PARD3B: variants seen among roughly 807,000 people sequenced by gnomAD.
PARD3B encodes the protein partitioning defective 3 homolog B.
PARD3B carries 103 observed loss-of-function variants against 130.2 expected under a neutral mutation model. That is an observed-to-expected ratio of 0.79 (90% CI 0.67 to 0.93). The LOEUF is 0.93. PARD3B is among the 40% of genes least tolerant of loss of function. The pLI is 0.00. For missense variants in PARD3B, 1,609 were observed against 1,499.2 expected, an observed-to-expected ratio of 1.07 and a Z score of -1.21; for synonymous variants, 583 against 553.2, an observed-to-expected ratio of 1.05 and a Z score of -0.76.
chr2:205,114,929 A>C (rs535617145), intron 6 of PARD3B, among the ~76,000 whole-genome samples: 1 of 152,082 alleles, frequency 6.6e-6, no homozygotes, highest in Non-Finnish European at 1.5e-5. Flanking sequence ...GTTGTTTTTG[A>C]TAGATAGGGT....
rs189552614 is a variant in PARD3B at position 204,643,313 on chromosome 2, G to T, written c.121-42868G>T. Among the ~76,000 whole-genome samples the T allele has an allele frequency of 7.2e-5, 11 of 151,830 alleles. No homozygotes were observed. The East Asian group carries it at 2.1e-3, about 30-fold the overall frequency. On this transcript the variant is annotated intron_variant, in intron 1 of 22. Coordinates refer to ENST00000406610, the MANE Select transcript of PARD3B (RefSeq NM_001302769.2). ...CTTTTTTCCATAAATTACCCAGTCT[G>T]TAATACAGCATAATTACATCCTAAC...
intron 20 of PARD3B, among the ~76,000 whole-genome samples, chr2:205,465,401 C>T (rs1559119353): frequency 6.6e-6 from 1 of 152,138 alleles, no homozygotes; most frequent in Non-Finnish European, 1.5e-5. Context: ...ATTTGTACGC[C>T]TGAATAAAGA....
chr2:205,052,974 A>C (rs1699336190), intron 4 of PARD3B, among the ~76,000 whole-genome samples: 1 of 152,156 alleles, frequency 6.6e-6, no homozygotes, highest in South Asian at 2.1e-4. Context: ...TGTGTGTTCT[A>C]CTGAGACAAG....
chr2:205,375,723 A>T (rs1021270522), intron 18 of PARD3B, among the ~76,000 whole-genome samples: 1 of 152,194 alleles, frequency 6.6e-6, no homozygotes, highest in Non-Finnish European at 1.5e-5. Flanking sequence ...ACAAGCTAGA[A>T]GGGAGGAGGA....
intron 2 of PARD3B, among the ~76,000 whole-genome samples, chr2:204,935,381 A>AC (rs1688363312): frequency 6.7e-6 from 1 of 149,158 alleles, no homozygotes; most frequent in Admixed American, 6.7e-5. Flanking sequence ...TACAAAAAAA[A>AC]AAAAAAAATT....
chr2:204,634,829 T>C lies in PARD3B; in HGVS notation c.121-51352T>C, dbSNP rs577633527. On this transcript the variant is annotated intron_variant, in intron 1 of 22. Transcript: ENST00000406610. ...ATCATCGCTTAGGTCTATTATTTCATTGGGGGCTCACAAGATAGTCATATT... is the reference window on the plus strand; with the variant it reads ...ATCATCGCTTAGGTCTATTATTTCACTGGGGGCTCACAAGATAGTCATATT... 3.5e-4 allele frequency among the ~76,000 whole-genome samples: 54 copies of C among 152,310 alleles called. No homozygotes were observed. In the South Asian group the frequency reaches 7.9e-3, roughly 22 times the overall value.
At chr2:205,612,734 A>G (rs1266966794) in intron 22 of PARD3B, among the ~76,000 whole-genome samples, 2 of 152,338 alleles carry the variant, frequency 1.3e-5, no homozygotes, top group Non-Finnish European at 2.9e-5. Context: ...ATTTCTTGAC[A>G]AAGAACAGCT....
intron 16 of PARD3B, among the ~76,000 whole-genome samples, chr2:205,271,844 G>T (rs2105800879): frequency 6.6e-6 from 1 of 152,216 alleles, no homozygotes; most frequent in African/African-American, 2.4e-5. Context: ...AGCATAATTA[G>T]CCTTTTATAC....
At chr2:204,556,386 T>C (rs1024678855) in intron 1 of PARD3B, among the ~76,000 whole-genome samples, 7 of 152,190 alleles carry the variant, frequency 4.6e-5, no homozygotes, top group Non-Finnish European at 7.4e-5. Flanking sequence ...TCTCGGGTTT[T>C]GATGAGTTTC....
chr2:205,046,124 T>C (rs1698759186), intron 3 of PARD3B, among the ~76,000 whole-genome samples: 1 of 152,166 alleles, frequency 6.6e-6, no homozygotes, highest in African/African-American at 2.4e-5. Context: ...TTGCTGGTAA[T>C]TGAGGGGCTT....
At position 204,969,210 on chromosome 2, in the gene PARD3B, A is replaced by G. The variant is rs191206808; in HGVS notation, c.394+3887A>G. ...AAATTTATAGTTCGAGAATTTTCCA[A>G]GTCTTCTCTGTGAAACCCCATGGTT... is the stretch of plus-strand genomic sequence containing the variant. On this transcript the variant is annotated intron_variant, in intron 3 of 22. Transcript: ENST00000406610. Among the ~76,000 whole-genome samples the G allele has an allele frequency of 3.6e-3, 555 of 152,340 alleles. 1 individual carries two copies. Among genetic ancestry groups the G allele is most frequent in the Non-Finnish European group, 5.2e-3 (352 of 68,026 alleles).
At chr2:204,911,766 T>C (rs939577298) in intron 2 of PARD3B, among the ~76,000 whole-genome samples, 8 of 152,304 alleles carry the variant, frequency 5.3e-5, no homozygotes, top group Admixed American at 3.9e-4. Context: ...GTCAACAAAA[T>C]AGAACATTTC....
At chr2:205,194,891 C>A (rs913571603) in intron 15 of PARD3B, among the ~76,000 whole-genome samples, 3 of 151,646 alleles carry the variant, frequency 2.0e-5, no homozygotes, top group African/African-American at 7.3e-5. Flanking sequence ...TCAAGTGATT[C>A]TCCTACCTCA....
rs2048932761 is a variant in PARD3B, at chr2:205,473,771, T to C, written c.3045-26125T>C. 6.8e-6 allele frequency among the ~76,000 whole-genome samples: 1 copy of C among 147,648 alleles called. No homozygotes were observed. Among genetic ancestry groups the C allele is most frequent in the East Asian group, 2.0e-4 (1 of 5,110 alleles). On this transcript the variant is annotated intron_variant, in intron 20 of 22. Transcript: ENST00000406610. This position sits in a 1 kb window ranked among gnomAD's most constrained non-coding sequence, Gnocchi z 4.9. ...ATATATATATAACCTTAAATATATA[T>C]ATTTTATATTTTTTTAACTTGCAGT...
rs1401612862 is a variant in PARD3B, at chr2:205,341,607, A to G, written c.2630+39906A>G. On this transcript the variant is annotated intron_variant, in intron 18 of 22. Coordinates refer to ENST00000406610, the MANE Select transcript of PARD3B (RefSeq NM_001302769.2). The surrounding 1 kb of genome is among the most constrained non-coding windows in gnomAD (Gnocchi z 4.3). ...AGAGGCTGGGAAGCATGGGGGAAGG[A>G]GAGGGTAGGGAGAGGTTGGTTAACA... 6.6e-6 allele frequency among the ~76,000 whole-genome samples: 1 copy of G among 152,062 alleles called. No homozygotes were observed. The highest frequency in any genetic ancestry group is 1.5e-5 in the Non-Finnish European group (1 of 67,966).
chr2:204,955,450 C>A (rs951565029), intron 2 of PARD3B, among the ~76,000 whole-genome samples: 2 of 152,186 alleles, frequency 1.3e-5, no homozygotes, highest in African/African-American at 4.8e-5. Flanking sequence ...TTATCCCTAA[C>A]AGGATGGAAA....
At chr2:204,803,176 A>ATT (rs1184573388) in intron 2 of PARD3B, among the ~76,000 whole-genome samples, 4 of 146,584 alleles carry the variant, frequency 2.7e-5, no homozygotes, top group African/African-American at 9.9e-5. Context: ...ATATATATAT[A>ATT]TATATAATCC....
intron 16 of PARD3B, among the ~76,000 whole-genome samples, chr2:205,255,528 C>T (rs887150215): frequency 1.3e-5 from 2 of 152,034 alleles, no homozygotes; most frequent in African/African-American, 4.8e-5. Context: ...CTCTTAGTTC[C>T]ACAAGCCTGT....
In PARD3B at chr2:205,440,056, G is replaced by C. The variant is rs139443567; in HGVS notation, c.2742-314G>C. On this transcript the variant is annotated intron_variant, in intron 19 of 22. Coordinates refer to ENST00000406610, the MANE Select transcript of PARD3B (RefSeq NM_001302769.2). This position sits in a 1 kb window ranked among gnomAD's most constrained non-coding sequence, Gnocchi z 4.2. Reference sequence around the variant, plus strand: ...AACCAAAGATGCACTGTTCCCACAAGCACATGCCATCTGTGGGGAGGGAAT... The same window carrying C: ...AACCAAAGATGCACTGTTCCCACAACCACATGCCATCTGTGGGGAGGGAAT... Among the ~76,000 whole-genome samples, 86 of 152,296 alleles carry C rather than the reference G, an allele frequency of 5.6e-4. No individual in the cohort carries two copies. In the East Asian group the frequency reaches 0.015, roughly 27 times the overall value.
Sources: gnomAD v4.1 joint callset for allele counts (sites outside exome capture counted in the v4.1 genomes callset) on GRCh38, gnomAD v4.1.1 for gene constraint, Gnocchi (gnomAD v3.1) non-coding constraint, MANE v1.5 for transcripts, NCBI Gene and HGNC (gene_info 2026-07-23, HGNC 2026-07-21) for gene names.